PHACTR3: variants seen among roughly 807,000 people sequenced by gnomAD.
The protein encoded by PHACTR3 is phosphatase and actin regulator 3, also known as protein phosphatase 1, regulatory subunit 123.
In PHACTR3, 16 loss-of-function variants were observed where a neutral mutation model predicts 66.8. The observed-to-expected ratio is 0.24, with a 90% CI of 0.16 to 0.36. PHACTR3 has a LOEUF of 0.36. Among genes scored for constraint, PHACTR3 ranks in the 10% least tolerant of loss-of-function variants. The pLI, the probability that PHACTR3 is intolerant of heterozygous loss-of-function variation, is 1.00. For missense variants in PHACTR3, 647 were observed against 719.9 expected, an observed-to-expected ratio of 0.90 and a Z score of 1.16; for synonymous variants, 323 against 292.1, an observed-to-expected ratio of 1.11 and a Z score of -1.08.
At chr20:59,626,142 G>T (rs2034437803) in intron 1 of PHACTR3, among the ~76,000 whole-genome samples, 1 of 152,182 alleles carries the variant, frequency 6.6e-6, no homozygotes, top group African/African-American at 2.4e-5. Flanking sequence ...AGAATTCATG[G>T]TCGTCAGCCA....
chr20:59,677,998 G>A (rs994699885), intron 1 of PHACTR3, among the ~76,000 whole-genome samples: 11 of 152,282 alleles, frequency 7.2e-5, no homozygotes, highest in East Asian at 1.9e-4. Context: ...ACGTACTGCC[G>A]TTGAATCTCA....
chr20:59,635,213 C>CCTTCT, intron 1 of PHACTR3, among the ~76,000 whole-genome samples: 1 of 35,748 alleles, frequency 2.8e-5, no homozygotes. Flanking sequence ...TCTTTCCTTC[C>CCTTCT]TTCCTTCCTT....
At chr20:59,711,600 C>A (rs1001833092) in intron 1 of PHACTR3, among the ~76,000 whole-genome samples, 1 of 152,104 alleles carries the variant, frequency 6.6e-6, no homozygotes, top group Non-Finnish European at 1.5e-5. Flanking sequence ...ATCATAGCCT[C>A]GCCTGTCATA....
At chr20:59,718,919 C>T (rs901100585) in intron 1 of PHACTR3, among the ~76,000 whole-genome samples, 7 of 152,244 alleles carry the variant, frequency 4.6e-5, no homozygotes, top group African/African-American at 1.7e-4. Context: ...CACCAGAAAG[C>T]GTCTCTGCTC....
At chr20:59,613,276 G>A (rs1214145235) in intron 1 of PHACTR3, among the ~76,000 whole-genome samples, 2 of 152,242 alleles carry the variant, frequency 1.3e-5, no homozygotes, top group Non-Finnish European at 2.9e-5. Flanking sequence ...ACAGCATGAT[G>A]GCGTCCCTGT....
intron 1 of PHACTR3, among the ~76,000 whole-genome samples, chr20:59,682,275 G>C (rs547223568): frequency 6.6e-6 from 1 of 152,338 alleles, no homozygotes; most frequent in South Asian, 2.1e-4. Context: ...AGGAGGCAGA[G>C]GTTGCAGTGA....
At chr20:59,787,117 C>T (rs540852415) in intron 7 of PHACTR3, among the ~76,000 whole-genome samples, 11 of 152,312 alleles carry the variant, frequency 7.2e-5, no homozygotes, top group South Asian at 6.2e-4. Context: ...CCTAGACACA[C>T]GGGGTAGGAA....
chr20:59,714,036 G>C (rs1347084780), intron 1 of PHACTR3, among the ~76,000 whole-genome samples: 3 of 151,866 alleles, frequency 2.0e-5, no homozygotes, highest in Admixed American at 6.6e-5. Context: ...ATTTTTTCAT[G>C]GCTATTTGTA....
At chr20:59,827,821 G>GC (rs1316005036) in intron 8 of PHACTR3, among the ~76,000 whole-genome samples, 1 of 152,162 alleles carries the variant, frequency 6.6e-6, no homozygotes, top group Non-Finnish European at 1.5e-5. Flanking sequence ...GACATCAGAA[G>GC]CCCCCCACTG....
At chr20:59,799,090 A>T (rs2041339249) in intron 7 of PHACTR3, among the ~76,000 whole-genome samples, 1 of 151,962 alleles carries the variant, frequency 6.6e-6, no homozygotes, top group African/African-American at 2.4e-5. Flanking sequence ...GGGTTTTTTT[A>T]GAGGTATTTT....
Position 59,642,873 on chromosome 20 carries a change from G to T in PHACTR3, c.118+37741G>T, listed in dbSNP as rs1018369512. On this transcript the variant is annotated intron_variant, in intron 1 of 12. Coordinates refer to ENST00000371015, the MANE Select transcript of PHACTR3 (RefSeq NM_080672.5). Reference sequence around the variant, plus strand: ...GAAAGAGCTCTCTGGTTGAATCAAAGAATTTTAAGAATTTAATTCTTCTTC... The same window carrying T: ...GAAAGAGCTCTCTGGTTGAATCAAATAATTTTAAGAATTTAATTCTTCTTC... Among the ~76,000 whole-genome samples, 4 of 152,072 alleles carry T rather than the reference G, an allele frequency of 2.6e-5. No homozygotes were observed. In the East Asian group the frequency reaches 7.7e-4, roughly 29 times the overall value.
intron 4 of PHACTR3, among the ~76,000 whole-genome samples, chr20:59,756,522 C>T (rs754037563): frequency 1.3e-5 from 2 of 152,172 alleles, no homozygotes; most frequent in African/African-American, 4.8e-5. Flanking sequence ...CAGCCCTCTT[C>T]GGGGGTGGCC....
intron 1 of PHACTR3, among the ~76,000 whole-genome samples, chr20:59,733,872 T>C (rs1220225183): frequency 6.6e-6 from 1 of 152,170 alleles, no homozygotes; most frequent in East Asian, 1.9e-4. Context: ...ATGCTTCCGT[T>C]GCTGATGACA....
chr20:59,628,460 C>T (rs1260253507), intron 1 of PHACTR3: 1 of 188,460 alleles, frequency 5.3e-6, no homozygotes, highest in Non-Finnish European at 9.9e-6. Context: ...GCAAGCACTG[C>T]ACTGTCCCCG....
chr20:59,782,085 C>T (rs1177384070), intron 7 of PHACTR3, among the ~76,000 whole-genome samples: 3 of 152,118 alleles, frequency 2.0e-5, no homozygotes, highest in Non-Finnish European at 2.9e-5. Context: ...CATGACTGAC[C>T]TTAAAAGCTG....
rs538619056 is a variant in PHACTR3, at chr20:59,722,768, G to A, written c.119-20339G>A. Reference sequence around the variant, plus strand: ...GCCATGGCGGAAGAGGAGCCCTCAGGGGTTTGGGAGAGGTTAGCAAATACT... The same window carrying A: ...GCCATGGCGGAAGAGGAGCCCTCAGAGGTTTGGGAGAGGTTAGCAAATACT... On this transcript the variant is annotated intron_variant, in intron 1 of 12. Transcript: ENST00000371015. Among the ~76,000 whole-genome samples, 11 of 152,222 alleles carry A rather than the reference G, an allele frequency of 7.2e-5. No individual in the cohort carries two copies. In the South Asian group the frequency reaches 1.9e-3, roughly 26 times the overall value.
intron 1 of PHACTR3, among the ~76,000 whole-genome samples, chr20:59,597,697 A>G (rs576422236): frequency 1.2e-4 from 18 of 152,380 alleles, no homozygotes; most frequent in African/African-American, 4.1e-4. Context: ...GGCCTATGCC[A>G]GCAGGATGTT....
chr20:59,584,913 C>T (rs2032975969), intron 1 of PHACTR3, among the ~76,000 whole-genome samples: 1 of 152,144 alleles, frequency 6.6e-6, no homozygotes, highest in Non-Finnish European at 1.5e-5. Flanking sequence ...TGCCCAGCCC[C>T]CACCCCCTCA....
At chr20:59,658,672 G>C (rs933856289) in intron 1 of PHACTR3, among the ~76,000 whole-genome samples, 3 of 152,162 alleles carry the variant, frequency 2.0e-5, no homozygotes, top group Admixed American at 6.5e-5. Flanking sequence ...GTCTGCCTCT[G>C]TTGGTATCAT....
Sources: gnomAD v4.1 joint callset for allele counts (sites outside exome capture counted in the v4.1 genomes callset) on GRCh38, gnomAD v4.1.1 for gene constraint, MANE v1.5 for transcripts, NCBI Gene and HGNC (gene_info 2026-07-23, HGNC 2026-07-21) for gene names.